Variants in USP45 observed in about 807,000 individuals in gnomAD.
The protein encoded by USP45 is ubiquitin specific peptidase 45, also known as ubiquitin carboxyl-terminal hydrolase 45.
Under a neutral mutation model 95.8 loss-of-function variants are expected in USP45, and 89 were observed. The observed-to-expected ratio is 0.93, with a 90% CI of 0.78 to 1.11. The LOEUF (loss-of-function observed/expected upper bound fraction) is 1.11. Among genes scored for constraint, USP45 ranks in the 50% least tolerant of loss-of-function variants. The pLI, the probability that USP45 is intolerant of heterozygous loss-of-function variation, is 0.00. For missense variants in USP45, 898 were observed against 942.5 expected, an observed-to-expected ratio of 0.95 and a Z score of 0.62; for synonymous variants, 281 against 316.2, an observed-to-expected ratio of 0.89 and a Z score of 1.18.
At chr6:99,456,134 GAAAAA>G (rs71021737) in intron 13 of USP45, among the ~76,000 whole-genome samples, 4 of 89,520 alleles carry the variant, frequency 4.5e-5, no homozygotes, top group Non-Finnish European at 4.1e-5. Flanking sequence ...CTCTGTCTCG[GAAAAA>G]AAAAAAAAAA....
intron 1 of USP45, among the ~76,000 whole-genome samples, chr6:99,511,866 T>TACACATATATATATAC (rs1799941695): frequency 7.9e-6 from 1 of 126,696 alleles, no homozygotes; most frequent in Admixed American, 7.7e-5. Flanking sequence ...TATATATATA[T>TACACATATATATATAC]ATATATATAT....
intron 10 of USP45, among the ~76,000 whole-genome samples, chr6:99,467,529 T>G (rs1273861497): frequency 6.6e-6 from 1 of 151,980 alleles, no homozygotes. Flanking sequence ...TTTAAAATAT[T>G]AGAGCACTGA....
intron 5 of USP45, among the ~76,000 whole-genome samples, chr6:99,501,191 C>A (rs1409359020): frequency 2.0e-5 from 3 of 151,734 alleles, no homozygotes; most frequent in Non-Finnish European, 4.4e-5. Context: ...CACCTGCCCC[C>A]CCACAATCAC....
At chr6:99,507,678 T>G (rs2128805196) in intron 3 of USP45, 147 bp from the exon 4 acceptor site, 1 of 592,836 alleles carries the variant, frequency 1.7e-6, no homozygotes, top group Non-Finnish European at 3.0e-6. Context: ...TAATATGGAT[T>G]CTCATTAAAT....
intron 13 of USP45, among the ~76,000 whole-genome samples, chr6:99,456,972 A>G (rs914553509): frequency 2.6e-5 from 4 of 152,182 alleles, no homozygotes; most frequent in African/African-American, 9.7e-5. Context: ...AGGCCTATGA[A>G]TGGCCCCCCT....
At chr6:99,515,951 T>C (rs903592450), upstream of USP45, among the ~76,000 whole-genome samples, 1 of 151,814 alleles carries the variant, frequency 6.6e-6, no homozygotes. Flanking sequence ...ATTTTTTGTA[T>C]TTTGTTTAGT....
chr6:99,516,034 C>G (rs1801078165), upstream of USP45, among the ~76,000 whole-genome samples: 1 of 152,114 alleles, frequency 6.6e-6, no homozygotes, highest in African/African-American at 2.4e-5. Context: ...GCCCCGGCCT[C>G]CCAAAGTGCT....
chr6:99,449,905 CTG>C, intron 13 of USP45, among the ~76,000 whole-genome samples: 1 of 152,282 alleles, frequency 6.6e-6, no homozygotes, highest in Admixed American at 6.5e-5. Context: ...TACATGGAAA[CTG>C]AAAAACCTGC....
At chr6:99,455,865 T>C (rs1446711818) in intron 13 of USP45, among the ~76,000 whole-genome samples, 1 of 137,020 alleles carries the variant, frequency 7.3e-6, no homozygotes, top group Admixed American at 7.6e-5. Flanking sequence ...GCAGGCGCAG[T>C]GGCTCACACC....
intron 1 of USP45, among the ~76,000 whole-genome samples, chr6:99,510,776 C>T (rs1405169055): frequency 6.6e-6 from 1 of 152,156 alleles, no homozygotes; most frequent in Non-Finnish European, 1.5e-5. Flanking sequence ...TAATAATTTG[C>T]TATACCAGGC....
At chr6:99,512,658 A>T (rs1309987286) in intron 1 of USP45, among the ~76,000 whole-genome samples, 1 of 152,204 alleles carries the variant, frequency 6.6e-6, no homozygotes, top group African/African-American at 2.4e-5. Flanking sequence ...TGATTTATTC[A>T]TTCCATAATT....
At chr6:99,493,286 A>G (rs1246529809) in intron 5 of USP45, among the ~76,000 whole-genome samples, 3 of 152,096 alleles carry the variant, frequency 2.0e-5, no homozygotes, top group Non-Finnish European at 4.4e-5. Context: ...TTGGCCTCCC[A>G]AAGTGCTGGG....
At chr6:99,448,236 C>A (rs1583009417) in intron 13 of USP45, among the ~76,000 whole-genome samples, 1 of 152,286 alleles carries the variant, frequency 6.6e-6, no homozygotes. Context: ...GATGATCAAA[C>A]TTCTCCTAGC....
intron 5 of USP45, among the ~76,000 whole-genome samples, chr6:99,499,762 A>T (rs1323279123): frequency 6.6e-6 from 1 of 152,158 alleles, no homozygotes; most frequent in Non-Finnish European, 1.5e-5. Flanking sequence ...TCTCATCTTC[A>T]CCTGCCCAAA....
chr6:99,508,183 T>C (rs1562454893), intron 3 of USP45, among the ~76,000 whole-genome samples: 2 of 101,310 alleles, frequency 2.0e-5, no homozygotes, highest in Admixed American at 1.1e-4. Context: ...TAAAAAAGTA[T>C]ATACTTTTAA....
At chr6:99,435,882 G>T in intron 17 of USP45, 36 bp from the exon 18 acceptor site, 1 of 1,587,894 alleles carries the variant, frequency 6.3e-7, no homozygotes, top group Non-Finnish European at 8.6e-7. Flanking sequence ...TTTAAAGTAA[G>T]TATGCTTTAG....
In USP45 at chr6:99,488,745, C is replaced by G. The variant is rs757918147; in HGVS notation, c.554G>C (p.Arg185Thr). 1.2e-6 allele frequency: 2 copies of G among 1,608,156 alleles called. No individual in the cohort carries two copies. The highest frequency in any genetic ancestry group is 1.1e-5 in the South Asian group (1 of 89,718). Residue 185 changes from arginine (R) to threonine (T), a missense_variant, in exon 6 of 18, where the codon AGA (arginine) becomes ACA (threonine). Arg to Thr is a moderately conservative substitution (Grantham distance 71). Coordinates refer to ENST00000500704, the MANE Select transcript of USP45 (RefSeq NM_001346022.3). ...TGTAATTCCTCTTACAGATAAATTT[C>G]TGCATTTTCCTCCCTTCTGTATTTC... Reference protein sequence around the residue: ...TDEIQKGGKCRNLSVRGITNL... With the variant: ...TDEIQKGGKCTNLSVRGITNL...
At chr6:99,504,476 T>G (rs975817402) in intron 4 of USP45, among the ~76,000 whole-genome samples, 13 of 152,088 alleles carry the variant, frequency 8.5e-5, no homozygotes, top group African/African-American at 2.9e-4. Context: ...CTCACTAATG[T>G]GATAAACTAG....
chr6:99,506,460 C>T (rs1190916621), intron 4 of USP45, among the ~76,000 whole-genome samples: 1 of 152,180 alleles, frequency 6.6e-6, no homozygotes, highest in Non-Finnish European at 1.5e-5. Context: ...AGGCGTGCGC[C>T]ACCATGCCCA....
Sources: gnomAD v4.1 joint callset for allele counts (sites outside exome capture counted in the v4.1 genomes callset) on GRCh38, gnomAD v4.1.1 for gene constraint, MANE v1.5 for transcripts, NCBI Gene and HGNC (gene_info 2026-07-23, HGNC 2026-07-21) for gene names.